Variants in CTDSP2 observed in about 807,000 individuals in gnomAD.
CTDSP2 encodes CTD small phosphatase 2.
CTDSP2 carries 9 observed loss-of-function variants against 31.6 expected under a neutral mutation model. The ratio of observed to expected loss-of-function variants is 0.28; its 90% CI spans 0.17 to 0.50. CTDSP2 has a LOEUF of 0.50. Ranked by LOEUF, CTDSP2 falls within the 20% of genes least tolerant of loss-of-function variation. CTDSP2 has a pLI of 0.98. For synonymous variants in CTDSP2, 134 were observed against 134.5 expected (o/e 1.00, Z 0.03); for missense variants, 267 against 348.5 (o/e 0.77, Z 1.86).
In CTDSP2 at chr12:57,824,036, G is replaced by A. The variant is rs749454719; in HGVS notation, c.558C>T (p.Arg186=). 2 of 1,614,088 alleles carry A rather than the reference G, an allele frequency of 1.2e-6. No homozygotes were observed. The highest frequency in any genetic ancestry group is 2.2e-5 in the South Asian group (2 of 91,078). ...LLDRCGVFRA[R]LFRESCVFHQ... ...GGAACACGCAAGACTCACGGAATAG[G>A]CGGGCCCGGAACACCCCACACCGGT... The change falls in exon 7 of 8, where the codon CGC becomes CGT. Residue 186 remains arginine (R), a synonymous_variant. Coordinates refer to ENST00000398073, the MANE Select transcript of CTDSP2 (RefSeq NM_005730.4).
chr12:57,831,936 A>G (rs530593571), intron 1 of CTDSP2, among the ~76,000 whole-genome samples: 274 of 152,364 alleles, frequency 1.8e-3, no homozygotes, highest in Non-Finnish European at 3.1e-3. Context: ...CTGGGCTGCC[A>G]GTACCCCCTG....
chr12:57,820,789 G>T lies in CTDSP2; in HGVS notation c.*2813C>A, dbSNP rs1565842075. 2.0e-5 allele frequency: 3 copies of T among 152,224 alleles called. No individual in the cohort carries two copies. Among genetic ancestry groups the T allele is most frequent in the Non-Finnish European group, 2.9e-5 (2 of 68,058 alleles). The allele number at this position is 152,224 out of a possible 1,614,324, so 9.4% of individuals were successfully genotyped here. ...CCCTTACCTGACCCTTTTCCAAACT[G>T]GTCCTGTGTCCAAAGCTCCCCCTAT... On this transcript the variant is annotated 3_prime_UTR_variant, in exon 8 of 8. Coordinates refer to ENST00000398073, the MANE Select transcript of CTDSP2 (RefSeq NM_005730.4).
chr12:57,825,731 G>T (rs987821497), intron 5 of CTDSP2, among the ~76,000 whole-genome samples: 2 of 152,184 alleles, frequency 1.3e-5, no homozygotes, highest in Admixed American at 1.3e-4. Context: ...TCTTTACATT[G>T]ACAGACACAC....
chr12:57,846,638 T>C lies in CTDSP2; in HGVS notation c.-203A>G. On this transcript the variant is annotated 5_prime_UTR_variant, in exon 1 of 8. Coordinates refer to ENST00000398073, the MANE Select transcript of CTDSP2 (RefSeq NM_005730.4). ...AAGGGCGGGCGGCCCGGGCAGCGGC[T>C]CCCCCGGGTGCCCCCGGCCCCGATC... 2 of 462,226 alleles carry C rather than the reference T, an allele frequency of 4.3e-6. No homozygotes were observed. Among genetic ancestry groups the C allele is most frequent in the Non-Finnish European group, 7.5e-6 (2 of 266,834 alleles). The allele number at this position is 462,226 out of a possible 1,614,324, so 28.6% of individuals were successfully genotyped here.
chr12:57,833,915 T>C (rs1175107946), intron 1 of CTDSP2, among the ~76,000 whole-genome samples: 1 of 152,240 alleles, frequency 6.6e-6, no homozygotes, highest in Non-Finnish European at 1.5e-5. Context: ...TTACCTCATT[T>C]AATCCTTACT....
In CTDSP2 at chr12:57,826,938, G is replaced by A. The variant is rs892469107; in HGVS notation, c.354+58C>T. 5.3e-6 allele frequency: 7 copies of A among 1,317,912 alleles called. No homozygotes were observed. The East Asian group carries it at 9.2e-5, about 17-fold the overall frequency. 81.6% of individuals were successfully genotyped at this position (1,317,912 alleles called of 1,614,324 possible). Reference sequence around the variant, plus strand: ...CTTTAGGCTGCCTTACACATCTGTTGCCAGATTCACAAGAAGGCCCAAGAT... The same window carrying A: ...CTTTAGGCTGCCTTACACATCTGTTACCAGATTCACAAGAAGGCCCAAGAT... On this transcript the variant is annotated intron_variant, in intron 4 of 7. Transcript: ENST00000398073.
intron 1 of CTDSP2, among the ~76,000 whole-genome samples, chr12:57,833,565 G>A (rs1362632915): frequency 6.6e-6 from 1 of 152,186 alleles, no homozygotes; most frequent in East Asian, 1.9e-4. Flanking sequence ...CTCCCAGCAT[G>A]ACTGCCTCCC....
At position 57,822,115 on chromosome 12, in the gene CTDSP2, G is replaced by A. The variant is rs1956150427; in HGVS notation, c.*1487C>T. The A allele has an allele frequency of 6.6e-6, 1 of 152,386 alleles. No individual in the cohort carries two copies. The highest frequency in any genetic ancestry group is 2.4e-5 in the African/African-American group (1 of 41,406). The allele number at this position is 152,386 out of a possible 1,614,324, so 9.4% of individuals were successfully genotyped here. A position where few individuals can be genotyped will look rare whatever the true frequency, so the allele number is the denominator to read the frequency against. On this transcript the variant is annotated 3_prime_UTR_variant, in exon 8 of 8. Coordinates refer to ENST00000398073, the MANE Select transcript of CTDSP2 (RefSeq NM_005730.4). ...CGCCCTCCCACCCCAGGAGGAGGGA[G>A]GGAGGGAGGAGAGAACCCCACCCAC... is the stretch of plus-strand genomic sequence containing the variant.
At chr12:57,824,378 G>T in intron 5 of CTDSP2, 59 bp from the exon 6 acceptor site, 1 of 1,260,518 alleles carries the variant, frequency 7.9e-7, no homozygotes, top group Non-Finnish European at 1.2e-6. Context: ...TTGCAGTACT[G>T]GGTACCTTCA....
chr12:57,833,456 C>A (rs937749354), intron 1 of CTDSP2, among the ~76,000 whole-genome samples: 6 of 152,212 alleles, frequency 3.9e-5, no homozygotes, highest in Non-Finnish European at 8.8e-5. Flanking sequence ...TCCCCACTCC[C>A]TTGATGGGGC....
chr12:57,831,284 T>C (rs1352944284), intron 1 of CTDSP2, among the ~76,000 whole-genome samples: 2 of 151,604 alleles, frequency 1.3e-5, no homozygotes, highest in South Asian at 2.1e-4. Context: ...GGTGAAACCC[T>C]GTCTCTACTA....
In CTDSP2 at chr12:57,821,264, G is replaced by C. The variant is rs1956143349; in HGVS notation, c.*2338C>G. The stretch of plus-strand genomic sequence containing the variant: ...ATTGTTGGGGGGGAGTTGCAGGTGG[G>C]CAGGCAGGGTTCTGATGGGAGTGAG... On this transcript the variant is annotated 3_prime_UTR_variant, in exon 8 of 8. Coordinates refer to ENST00000398073, the MANE Select transcript of CTDSP2 (RefSeq NM_005730.4). The C allele has an allele frequency of 6.6e-6, 1 of 152,440 alleles. No individual in the cohort carries two copies. Among genetic ancestry groups the C allele is most frequent in the South Asian group, 2.1e-4 (1 of 4,830 alleles). 9.4% of individuals were successfully genotyped at this position (152,440 alleles called of 1,614,324 possible). A position where few individuals can be genotyped will look rare whatever the true frequency, so the allele number is the denominator to read the frequency against.
At chr12:57,827,684 T>A in intron 2 of CTDSP2, 94 bp from the exon 3 acceptor site, 1 of 1,287,270 alleles carries the variant, frequency 7.8e-7, no homozygotes. Flanking sequence ...AGGGCAACTT[T>A]CTCCCCCAGA....
At chr12:57,832,885 G>A (rs568149493) in intron 1 of CTDSP2, among the ~76,000 whole-genome samples, 1 of 150,506 alleles carries the variant, frequency 6.6e-6, no homozygotes, top group East Asian at 2.0e-4. Flanking sequence ...CTATTTCTAT[G>A]CTGAAATTGG....
intron 1 of CTDSP2, among the ~76,000 whole-genome samples, chr12:57,843,525 G>A (rs762819380): frequency 2.0e-5 from 3 of 150,516 alleles, no homozygotes; most frequent in Non-Finnish European, 4.4e-5. Flanking sequence ...AGAACAGAAT[G>A]CTAAAAAAAG....
At position 57,829,497 on chromosome 12, in the gene CTDSP2, G is replaced by A. The variant is rs375513599; in HGVS notation, c.164C>T (p.Ser55Phe). 3.7e-5 allele frequency: 59 copies of A among 1,614,046 alleles called. No individual in the cohort carries two copies. Among genetic ancestry groups the A allele is most frequent in the Non-Finnish European group, 4.0e-5 (47 of 1,180,038 alleles). Residue 55 changes from serine (S) to phenylalanine (F), a missense_variant, in exon 2 of 8, where the codon TCC (serine) becomes TTC (phenylalanine). Physicochemically the swap from Ser to Phe is radical, Grantham distance 155. This residue lies in a region of CTDSP2 where 111 missense variants were observed against 107.1 expected (regional missense o/e 1.04). Transcript: ENST00000398073. ...FRAQHVGQSS[S>F]STELAAYKEE... Reference sequence around the variant, plus strand: ...CTTATACGCAGCGAGCTCAGTGGAGGAACTTGACTGGCCAACATGCTGGGC... The same window carrying A: ...CTTATACGCAGCGAGCTCAGTGGAGAAACTTGACTGGCCAACATGCTGGGC...
intron 1 of CTDSP2, among the ~76,000 whole-genome samples, chr12:57,832,727 G>C (rs1956223355): frequency 7.9e-6 from 1 of 126,696 alleles, no homozygotes; most frequent in Admixed American, 1.0e-4. Context: ...GGGAGGCATA[G>C]GTTGCACTGA....
intron 1 of CTDSP2, among the ~76,000 whole-genome samples, chr12:57,839,202 G>A (rs910213500): frequency 3.9e-5 from 6 of 152,178 alleles, no homozygotes; most frequent in Non-Finnish European, 5.9e-5. Context: ...CAGCCAAGCC[G>A]TATAGGTGAG....
chr12:57,846,019 G>T (rs1956313343), intron 1 of CTDSP2, among the ~76,000 whole-genome samples: 1 of 152,224 alleles, frequency 6.6e-6, no homozygotes, highest in African/African-American at 2.4e-5. Flanking sequence ...AGCCGCGCGC[G>T]GCGGTGAAGG....
Sources: allele counts gnomAD v4.1 joint callset (sites outside exome capture counted in the v4.1 genomes callset), GRCh38; gene constraint gnomAD v4.1.1; regional missense constraint gnomAD v4.1.1; transcripts MANE v1.5; gene names NCBI Gene and HGNC (gene_info 2026-07-23, HGNC 2026-07-21).